PANX1: variants seen among roughly 807,000 people sequenced by gnomAD.
The protein encoded by PANX1 is pannexin 1, also known as pannexin-1.
PANX1 carries 30 observed loss-of-function variants against 38.7 expected under a neutral mutation model. The ratio of observed to expected loss-of-function variants is 0.78; its 90% CI spans 0.58 to 1.05. The LOEUF (loss-of-function observed/expected upper bound fraction) is 1.05. PANX1 is among the 50% of genes least tolerant of loss of function. PANX1 has a pLI of 0.00. For synonymous variants in PANX1, 230 were observed against 212.2 expected, an observed-to-expected ratio of 1.08 and a Z score of -0.73; for missense variants, 551 against 517.2, an observed-to-expected ratio of 1.07 and a Z score of -0.63.
intron 2 of PANX1, among the ~76,000 whole-genome samples, chr11:94,177,659 G>A (rs536921445): frequency 4.1e-4 from 61 of 148,368 alleles, no homozygotes; most frequent in Non-Finnish European, 7.5e-4. Flanking sequence ...CCTCTCTGAC[G>A]TGTGAATCCC....
chr11:94,132,312 G>C (rs1591501659), intron 1 of PANX1, among the ~76,000 whole-genome samples: 1 of 152,172 alleles, frequency 6.6e-6, no homozygotes, highest in Non-Finnish European at 1.5e-5. Context: ...CATGGAACCT[G>C]GGCAGTGTCA....
intron 2 of PANX1, among the ~76,000 whole-genome samples, chr11:94,173,120 A>G (rs1358108038): frequency 1.3e-5 from 2 of 151,808 alleles, no homozygotes; most frequent in African/African-American, 4.9e-5. Flanking sequence ...GCATATAGCC[A>G]GAACAGACAT....
At chr11:94,158,397 A>G (rs1946980883) in intron 2 of PANX1, among the ~76,000 whole-genome samples, 1 of 152,168 alleles carries the variant, frequency 6.6e-6, no homozygotes, top group Non-Finnish European at 1.5e-5. Flanking sequence ...ACGTTCTTCC[A>G]TTTGTTTGTG....
intron 1 of PANX1, among the ~76,000 whole-genome samples, chr11:94,143,423 C>T (rs571916733): frequency 6.6e-6 from 1 of 152,318 alleles, no homozygotes; most frequent in East Asian, 1.9e-4. Flanking sequence ...GGGAGCCCTC[C>T]ATTCTTCTAT....
chr11:94,157,652 A>T (rs1946970373), intron 2 of PANX1, among the ~76,000 whole-genome samples: 1 of 151,958 alleles, frequency 6.6e-6, no homozygotes. Context: ...TTGTCAGATG[A>T]GTAGGTTGTG....
At chr11:94,170,481 C>T (rs376038974) in intron 2 of PANX1, among the ~76,000 whole-genome samples, 4 of 151,874 alleles carry the variant, frequency 2.6e-5, no homozygotes, top group African/African-American at 9.7e-5. Flanking sequence ...GGGTTGCTTG[C>T]CCTTATTGGC....
chr11:94,159,062 C>T (rs12278885), intron 2 of PANX1, among the ~76,000 whole-genome samples: 42,376 of 152,042 alleles, frequency 0.28, 6,808 homozygotes, highest in Admixed American at 0.39. Flanking sequence ...TATTGATTTG[C>T]GTATGTTGAA....
At chr11:94,164,004 C>A (rs1947075964) in intron 2 of PANX1, among the ~76,000 whole-genome samples, 1 of 151,920 alleles carries the variant, frequency 6.6e-6, no homozygotes, top group Non-Finnish European at 1.5e-5. Flanking sequence ...TTAGGTTTTG[C>A]AATTTATTGG....
At chr11:94,147,913 C>G (rs558532976) in intron 1 of PANX1, among the ~76,000 whole-genome samples, 1 of 152,252 alleles carries the variant, frequency 6.6e-6, no homozygotes. Flanking sequence ...AGGGAAGCAT[C>G]TGGGGCTTCT....
intron 2 of PANX1, among the ~76,000 whole-genome samples, chr11:94,160,441 A>G (rs1947012699): frequency 6.6e-6 from 1 of 152,146 alleles, no homozygotes; most frequent in Non-Finnish European, 1.5e-5. Flanking sequence ...TAGGATAGTT[A>G]GCTCTTCTTG....
At chr11:94,172,893 C>T (rs1392204053) in intron 2 of PANX1, among the ~76,000 whole-genome samples, 1 of 151,734 alleles carries the variant, frequency 6.6e-6, no homozygotes, top group Non-Finnish European at 1.5e-5. Context: ...TCGCTGTCTT[C>T]TCCAGGGCTC....
chr11:94,180,052 T>C lies in PANX1; in HGVS notation c.996T>C (p.Asn332=). The change falls in exon 4 of 5, where the codon AAT becomes AAC. Residue 332 remains asparagine, a synonymous_variant. Coordinates refer to ENST00000227638, the MANE Select transcript of PANX1 (RefSeq NM_015368.4). ...SEGYNDLSLY[N]LFLEENISEV... ...GGTACAACGATTTGAGCCTCTACAA[T>C]CTCTTCTTGGAGGAAAATATAAGTG... 1 of 1,611,456 alleles carries C rather than the reference T, an allele frequency of 6.2e-7. No homozygotes were observed. The highest frequency in any genetic ancestry group is 2.2e-5 in the East Asian group (1 of 44,802).
chr11:94,178,261 A>C (rs1285168387), intron 2 of PANX1, 108 bp from the exon 3 acceptor site: 11 of 830,990 alleles, frequency 1.3e-5, no homozygotes, highest in Non-Finnish European at 1.8e-5. Flanking sequence ...CCCAATTTCC[A>C]CAATACACAT....
chr11:94,156,479 A>G (rs1452590739), intron 2 of PANX1, among the ~76,000 whole-genome samples: 1 of 152,136 alleles, frequency 6.6e-6, no homozygotes, highest in African/African-American at 2.4e-5. Flanking sequence ...ACTCCTTGGC[A>G]TTTGGTTGGG....
At position 94,180,253 on chromosome 11, in the gene PANX1, C is replaced by G; in HGVS notation, c.1197C>G (p.Leu399=). 6.3e-7 allele frequency: 1 copy of G among 1,598,552 alleles called. No individual in the cohort carries two copies. The highest frequency in any genetic ancestry group is 1.3e-5 in the African/African-American group (1 of 74,604). The change falls in exon 4 of 5, where the codon CTC becomes CTG. Residue 399 remains leucine, a synonymous_variant. Coordinates refer to ENST00000227638, the MANE Select transcript of PANX1 (RefSeq NM_015368.4). ...AGCAGGGGAACCAGACGGCAGAGCT[C>G]CAAGGTAGGGTTTGCTTTTGGCAGA... ...REEQGNQTAE[L]QGMNIDSETK... is the part of the protein sequence containing the mutation.
In PANX1 at chr11:94,160,026, A is replaced by C. The variant is rs1030402126; in HGVS notation, c.321+6396A>C. On this transcript the variant is annotated intron_variant, in intron 2 of 4. Coordinates refer to ENST00000227638, the MANE Select transcript of PANX1 (RefSeq NM_015368.4). The stretch of plus-strand genomic sequence containing the variant: ...GGAGCAGGTTGTTCAGTTTCCATGT[A>C]GTTGAGCAGTTTTGAGTCAGTTTCT... Among the ~76,000 whole-genome samples, 4 of 152,108 alleles carry C rather than the reference A, an allele frequency of 2.6e-5. No individual in the cohort carries two copies. In the East Asian group the frequency reaches 7.8e-4, roughly 29 times the overall value.
intron 2 of PANX1, among the ~76,000 whole-genome samples, chr11:94,157,487 T>G (rs367730548): frequency 1.1e-4 from 16 of 152,178 alleles, no homozygotes; most frequent in East Asian, 3.9e-4. Flanking sequence ...CTGATGGCCA[T>G]TGATGATGAG....
At position 94,149,449 on chromosome 11, in the gene PANX1, A is replaced by G. The variant is rs185668816; in HGVS notation, c.182-4042A>G. Among the ~76,000 whole-genome samples the G allele has an allele frequency of 5.6e-4, 85 of 152,276 alleles. 1 individual carries two copies. Among genetic ancestry groups the G allele is most frequent in the Admixed American group, 5.0e-3 (77 of 15,298 alleles). ...GGAGATGTCTGTGGCATGGATTGCC[A>G]CAGACATTATTTAATGGATGTTGTG... On this transcript the variant is annotated intron_variant, in intron 1 of 4. Coordinates refer to ENST00000227638, the MANE Select transcript of PANX1 (RefSeq NM_015368.4).
At chr11:94,171,789 A>G (rs1428016109) in intron 2 of PANX1, among the ~76,000 whole-genome samples, 1 of 149,392 alleles carries the variant, frequency 6.7e-6, no homozygotes, top group Non-Finnish European at 1.5e-5. Context: ...CTCCCACTCC[A>G]TGCACTACTG....
Sources: allele counts gnomAD v4.1 joint callset (sites outside exome capture counted in the v4.1 genomes callset), GRCh38; gene constraint gnomAD v4.1.1; transcripts MANE v1.5; gene names NCBI Gene and HGNC (gene_info 2026-07-23, HGNC 2026-07-21).